The following CSMD1 variants were observed in gnomAD, a reference collection of about 807,000 sequenced individuals.
CSMD1 encodes CUB and sushi domain-containing protein 1.
A neutral mutation model predicts 417.5 loss-of-function variants in CSMD1; 213 were observed. The ratio of observed to expected loss-of-function variants is 0.51; its 90% confidence interval spans 0.46 to 0.57. The LOEUF is 0.57. CSMD1 is among the 20% of genes least tolerant of loss of function. The pLI is 0.00. For missense variants in CSMD1, 6,923 were observed against 4,529.7 expected, an observed-to-expected ratio of 1.53 and a Z score of -15.17; for synonymous variants, 2,862 against 1,736.8, an observed-to-expected ratio of 1.65 and a Z score of -16.11.
intron 3 of CSMD1, among the ~76,000 whole-genome samples, chr8:4,107,313 A>C (rs1801618951): frequency 6.6e-6 from 1 of 152,210 alleles, no homozygotes; most frequent in African/African-American, 2.4e-5. Flanking sequence ...GAACTTCCTG[A>C]AATAGAGAGG....
rs533695508 is a variant in CSMD1, at chr8:3,749,747, G to A, written c.931+4183C>T. Among the ~76,000 whole-genome samples the A allele has an allele frequency of 1.2e-4, 18 of 151,842 alleles. 1 individual carries two copies. The highest frequency in any genetic ancestry group is 3.9e-4 in the Admixed American group (6 of 15,236). ...GGTTTATGTTTTTTTTTCCTTTCACGAAATATTGTATGTGAGAGTCACCCA... is the reference window on the plus strand; with the variant it reads ...GGTTTATGTTTTTTTTTCCTTTCACAAAATATTGTATGTGAGAGTCACCCA... On this transcript the variant is annotated intron_variant, in intron 6 of 69. Coordinates refer to ENST00000635120, the MANE Select transcript of CSMD1 (RefSeq NM_033225.6).
chr8:3,698,090 GAAT>G (rs1800656239), intron 7 of CSMD1, among the ~76,000 whole-genome samples: 1 of 152,100 alleles, frequency 6.6e-6, no homozygotes, highest in Admixed American at 6.6e-5. Flanking sequence ...ACGGTATGAT[GAAT>G]AATTGATGAA....
intron 6 of CSMD1, among the ~76,000 whole-genome samples, chr8:3,743,450 A>T (rs1410837532): frequency 6.6e-6 from 1 of 152,184 alleles, no homozygotes; most frequent in Non-Finnish European, 1.5e-5. Flanking sequence ...TTATGTGGAG[A>T]CTTCTGAATA....
At chr8:4,269,496 A>G (rs1447369293) in intron 3 of CSMD1, among the ~76,000 whole-genome samples, 5 of 152,174 alleles carry the variant, frequency 3.3e-5, no homozygotes, top group African/African-American at 1.2e-4. Flanking sequence ...TTTTTTGAAT[A>G]TGGGAAGCAT....
chr8:4,399,694 C>G (rs1189300843), intron 3 of CSMD1, among the ~76,000 whole-genome samples: 1 of 152,010 alleles, frequency 6.6e-6, no homozygotes, highest in Non-Finnish European at 1.5e-5. Flanking sequence ...TACAGAAACT[C>G]CTTTTGAAAA....
chr8:4,132,360 A>C (rs1032615525), intron 3 of CSMD1, among the ~76,000 whole-genome samples: 5 of 152,168 alleles, frequency 3.3e-5, no homozygotes, highest in African/African-American at 1.2e-4. Context: ...TATTTCTTGT[A>C]GAATACATCT....
intron 1 of CSMD1, among the ~76,000 whole-genome samples, chr8:4,682,590 G>T (rs1288386270): frequency 1.3e-5 from 2 of 151,994 alleles, no homozygotes; most frequent in African/African-American, 4.8e-5. Flanking sequence ...AATGTATGAT[G>T]CAGTCTGAAC....
At chr8:3,074,775 A>G (rs1033052027) in intron 49 of CSMD1, among the ~76,000 whole-genome samples, 3 of 152,210 alleles carry the variant, frequency 2.0e-5, no homozygotes, top group African/African-American at 7.2e-5. Flanking sequence ...TAATTTTTGG[A>G]TATAAAATAA....
In CSMD1 at chr8:3,508,244, G is replaced by A. The variant is rs139674123; in HGVS notation, c.1345-14518C>T. Among the ~76,000 whole-genome samples the A allele has an allele frequency of 4.3e-4, 65 of 152,002 alleles. 1 individual carries two copies. The highest frequency in any genetic ancestry group is 7.8e-4 in the Non-Finnish European group (53 of 68,008). ...TAGGAATTTGAGGCACTTAAGTGGT[G>A]TCTGTGACAGATGATGCAAGACATA... is the stretch of plus-strand genomic sequence containing the variant. On this transcript the variant is annotated intron_variant, in intron 10 of 69. Transcript: ENST00000635120.
intron 5 of CSMD1, among the ~76,000 whole-genome samples, chr8:3,771,547 C>T (rs971257795): frequency 6.6e-6 from 1 of 152,228 alleles, no homozygotes; most frequent in East Asian, 1.9e-4. Context: ...GATAGCATCA[C>T]CATTGCAGAA....
intron 10 of CSMD1, among the ~76,000 whole-genome samples, chr8:3,552,530 T>C (rs13248762): frequency 0.48 from 72,365 of 151,966 alleles, 17,685 homozygotes; most frequent in East Asian, 0.55. Context: ...AAAAGTTTTT[T>C]TGAATTGGAT....
intron 10 of CSMD1, among the ~76,000 whole-genome samples, chr8:3,536,060 G>T (rs765107950): frequency 5.3e-5 from 8 of 152,156 alleles, no homozygotes; most frequent in Non-Finnish European, 1.0e-4. Context: ...ACAGGTCCTG[G>T]CCATACACAA....
At chr8:4,296,326 G>A (rs560883181) in intron 3 of CSMD1, among the ~76,000 whole-genome samples, 4 of 152,182 alleles carry the variant, frequency 2.6e-5, no homozygotes, top group African/African-American at 9.6e-5. Context: ...AAATTCTATA[G>A]TTCAGGGATT....
At chr8:3,985,541 C>T (rs555522750) in intron 5 of CSMD1, among the ~76,000 whole-genome samples, 1 of 152,256 alleles carries the variant, frequency 6.6e-6, no homozygotes, top group South Asian at 2.1e-4. Context: ...CATCATTTTA[C>T]TCCATGGATT....
intron 1 of CSMD1, among the ~76,000 whole-genome samples, chr8:4,917,795 GT>G (rs1806171740): frequency 6.6e-6 from 1 of 152,188 alleles, no homozygotes; most frequent in Non-Finnish European, 1.5e-5. Flanking sequence ...TGTGAAAAGT[GT>G]TGCAAGATAG....
intron 1 of CSMD1, among the ~76,000 whole-genome samples, chr8:4,757,482 G>A (rs996835036): frequency 2.0e-5 from 3 of 152,144 alleles, no homozygotes; most frequent in African/African-American, 7.2e-5. Flanking sequence ...AACAGATAAT[G>A]AGTACCGCAG....
At chr8:4,191,031 A>G (rs2131214632) in intron 3 of CSMD1, among the ~76,000 whole-genome samples, 1 of 152,262 alleles carries the variant, frequency 6.6e-6, no homozygotes, top group East Asian at 1.9e-4. Flanking sequence ...CATCTGTGCA[A>G]CAAACCCCCA....
chr8:3,786,212 G>T (rs775654635), intron 5 of CSMD1, among the ~76,000 whole-genome samples: 3 of 152,114 alleles, frequency 2.0e-5, no homozygotes, highest in African/African-American at 4.8e-5. Flanking sequence ...TTTTGGGCAC[G>T]TTGGGATCAA....
chr8:2,939,728 G>A (rs1383167559), intron 69 of CSMD1, among the ~76,000 whole-genome samples: 2 of 152,194 alleles, frequency 1.3e-5, no homozygotes, highest in African/African-American at 4.8e-5. Flanking sequence ...GAAGTACGTG[G>A]CACATGGCTC....
Sources: allele counts gnomAD v4.1 joint callset (sites outside exome capture counted in the v4.1 genomes callset), GRCh38; gene constraint gnomAD v4.1.1; transcripts MANE v1.5; gene names NCBI Gene and HGNC (gene_info 2026-07-23, HGNC 2026-07-21).